Variants in MUC4 observed in about 807,000 individuals in gnomAD.
MUC4 encodes the protein mucin-4.
A neutral mutation model predicts 257.9 loss-of-function variants in MUC4; 202 were observed. The ratio of observed to expected loss-of-function variants is 0.78; its 90% CI spans 0.70 to 0.88. The LOEUF (loss-of-function observed/expected upper bound fraction) is 0.88, where lower values mean the gene tolerates loss of function less well. MUC4 is among the 40% of genes least tolerant of loss of function. The pLI is 0.00. For synonymous variants in MUC4, 2,351 were observed against 2,757.1 expected, an observed-to-expected ratio of 0.85 and a Z score of 4.62; for missense variants, 5,976 against 6,513.7, an observed-to-expected ratio of 0.92 and a Z score of 2.84.
Position 195,810,803 on chromosome 3 carries a change from G to A in MUC4, c.82+933C>T, listed in dbSNP as rs929044289. On this transcript the variant is annotated intron_variant, in intron 1 of 24. Coordinates refer to ENST00000463781, the MANE Select transcript of MUC4 (RefSeq NM_018406.7). The surrounding 1 kb of genome is among the most constrained non-coding windows in gnomAD (Gnocchi z 4.2). The stretch of plus-strand genomic sequence containing the variant: ...AGTTTGTCTGCGTCTCACCTGTCTC[G>A]TCCTCTCACCCTGCAGCTTTACATG... Among the ~76,000 whole-genome samples the A allele has an allele frequency of 3.3e-5, 5 of 151,748 alleles. No individual in the cohort carries two copies. The highest frequency in any genetic ancestry group is 6.6e-5 in the Admixed American group (1 of 15,236).
intron 1 of MUC4, among the ~76,000 whole-genome samples, chr3:195,796,817 G>A (rs1003338702): frequency 6.6e-5 from 10 of 152,136 alleles, no homozygotes; most frequent in Non-Finnish European, 1.3e-4. Flanking sequence ...TCAGAGTTTG[G>A]AACAGGAGGA....
At chr3:195,769,206 CT>C in intron 6 of MUC4, 54 bp from the exon 7 acceptor site, 1 of 1,602,154 alleles carries the variant, frequency 6.2e-7, no homozygotes, top group Non-Finnish European at 8.5e-7. Flanking sequence ...CCGGGGTCTC[CT>C]CTCTTATGTC....
intron 4 of MUC4, among the ~76,000 whole-genome samples, chr3:195,773,498 TCAGCAGGTGTGGACACCCTCTCTCCATC>T (rs1560279320): frequency 2.8e-5 from 4 of 143,842 alleles, no homozygotes; most frequent in Non-Finnish European, 4.5e-5. Context: ...TCTCTATCAC[TCAGCAGGTGTGGACACCCTCTCTCCATC>T]GCTCAGCAGG....
Position 195,761,061 on chromosome 3 carries a change from A to G in MUC4, c.14671T>C (p.Phe4891Leu), listed in dbSNP as rs377048587. ...AGTTGTGAGTAGAAAACAGGGGTGAAGTTGGAAGGCAGCTGGTCATTCCTC... is the reference window on the plus strand; with the variant it reads ...AGTTGTGAGTAGAAAACAGGGGTGAGGTTGGAAGGCAGCTGGTCATTCCTC... ...GKRNDQLPSN[F>L]TPVFYSQLQK... Residue 4891 changes from phenylalanine (F) to leucine (L), a missense_variant, in exon 16 of 25, where the codon TTC becomes CTC. Coordinates refer to ENST00000463781, the MANE Select transcript of MUC4 (RefSeq NM_018406.7). 4.3e-6 allele frequency: 7 copies of G among 1,614,056 alleles called. No individual in the cohort carries two copies. The African/African-American group carries it at 5.3e-5, about 12-fold the overall frequency.
chr3:195,761,563 C>A lies in MUC4; in HGVS notation c.14535G>T (p.Glu4845Asp), dbSNP rs757129745. The A allele has an allele frequency of 5.0e-6, 8 of 1,614,124 alleles. No individual in the cohort carries two copies. Among genetic ancestry groups the A allele is most frequent in the Non-Finnish European group, 5.9e-6 (7 of 1,179,952 alleles). ...AGCCATTGGGCATCCTGAAGTCGTC[C>A]TCTGGATTGTTATTCCAGACCCCTG... is the stretch of plus-strand genomic sequence containing the variant. The part of the protein sequence containing the change: ...GLLGVWNNNP[E>D]DDFRMPNGST... Residue 4845 changes from glutamate to aspartate, a missense_variant, in exon 15 of 25, where the codon GAG becomes GAT. Physicochemically the swap from Glu to Asp is conservative, Grantham distance 45 (BLOSUM62 2). Coordinates refer to ENST00000463781, the MANE Select transcript of MUC4 (RefSeq NM_018406.7).
chr3:195,764,590 G>A (rs577614991), intron 10 of MUC4, among the ~76,000 whole-genome samples: 9 of 152,116 alleles, frequency 5.9e-5, no homozygotes, highest in African/African-American at 1.4e-4. Flanking sequence ...GCCATGGGAC[G>A]GGGGAGAGAA....
Position 195,753,033 on chromosome 3 carries a change from C to CG in MUC4, c.15508+17dup, listed in dbSNP as rs1716797800. The CG allele has an allele frequency of 6.3e-7, 1 of 1,595,774 alleles. No homozygotes were observed. Among genetic ancestry groups the CG allele is most frequent in the South Asian group, 1.1e-5 (1 of 89,888 alleles). On this transcript the variant is annotated intron_variant, in intron 20 of 24. Transcript: ENST00000463781. ...CAGGAAGAGTGCGGGGGTGAGAGGGCGGGGTCTCTGGCGGTACCTAGGTTG... is the reference window on the plus strand; with the variant it reads ...CAGGAAGAGTGCGGGGGTGAGAGGGCGGGGGTCTCTGGCGGTACCTAGGTTG...
chr3:195,764,248 AGGGC>A, intron 10 of MUC4, 84 bp from the exon 11 acceptor site: 2 of 1,102,394 alleles, frequency 1.8e-6, no homozygotes, highest in Non-Finnish European at 2.3e-6. Context: ...AGAGCTTGGC[AGGGC>A]AGGGCGGTGT....
At position 195,788,115 on chromosome 3, in the gene MUC4, G is replaced by C; in HGVS notation, c.3465C>G (p.Val1155=). 2 of 1,491,978 alleles carry C rather than the reference G, an allele frequency of 1.3e-6. No homozygotes were observed. Among genetic ancestry groups the C allele is most frequent in the Non-Finnish European group, 1.8e-6 (2 of 1,115,266 alleles). 92.4% of individuals were successfully genotyped at this position (1,491,978 alleles called of 1,614,324 possible). A position where few individuals can be genotyped will look rare whatever the true frequency, so the allele number is the denominator to read the frequency against. ...CTGTGGATGCTGAGGAAGCATCAGT[G>C]ACATGAAGAGGGGTGGTGTGACCTG... is the stretch of plus-strand genomic sequence containing the variant. The part of the protein sequence containing the change: ...VSTGHTTPLH[V]TDASSASTGQ... Residue 1155 remains valine (V), a synonymous_variant, in exon 2 of 25, where the codon GTC becomes GTG. Transcript: ENST00000463781.
At chr3:195,792,954 G>C (rs1734051105) in intron 1 of MUC4, among the ~76,000 whole-genome samples, 1 of 152,128 alleles carries the variant, frequency 6.6e-6, no homozygotes, top group Non-Finnish European at 1.5e-5. Context: ...GACACAGAGA[G>C]GGGAACAACA....
intron 7 of MUC4, among the ~76,000 whole-genome samples, chr3:195,767,959 C>T (rs1342310642): frequency 6.6e-6 from 1 of 151,894 alleles, no homozygotes; most frequent in African/African-American, 2.4e-5. Flanking sequence ...CCACCACCAC[C>T]ACCACCACTA....
chr3:195,747,220 C>A lies in MUC4; in HGVS notation c.16195G>T (p.Ala5399Ser). The A allele has an allele frequency of 1.2e-6, 2 of 1,614,268 alleles. No individual in the cohort carries two copies. The highest frequency in any genetic ancestry group is 2.2e-5 in the South Asian group (2 of 91,088). Residue 5399 changes from alanine (A) to serine (S), a missense_variant, in exon 25 of 25, where the codon GCC (alanine) becomes TCC (serine). Physicochemically the swap from Ala to Ser is moderately conservative, Grantham distance 99. This residue lies in a region of MUC4 where 310 missense variants were observed against 242.1 expected (regional missense o/e 1.28). Coordinates refer to ENST00000463781, the MANE Select transcript of MUC4 (RefSeq NM_018406.7). ...VVLRFWGCSG[A>S]RFSYFLNSAE... ...GAGTTCAGGAAATAGGAGAACCTGG[C>A]CCCGGAGCAACCCCAGAAGCGCAGG...
At chr3:195,749,402 C>T (rs1328727093) in intron 23 of MUC4, among the ~76,000 whole-genome samples, 1 of 152,180 alleles carries the variant, frequency 6.6e-6, no homozygotes. Context: ...TGAAGGTGGC[C>T]AGACTTGGGT....
At chr3:195,800,277 CAAA>C (rs796281453) in intron 1 of MUC4, among the ~76,000 whole-genome samples, 1 of 141,094 alleles carries the variant, frequency 7.1e-6, no homozygotes, top group African/African-American at 2.6e-5. Flanking sequence ...GACTCCATCT[CAAA>C]AAAAAAAAAA....
In MUC4 at chr3:195,762,916, T is replaced by C. The variant is rs1347038714; in HGVS notation, c.14283A>G (p.Ala4761=). The stretch of plus-strand genomic sequence containing the variant: ...TCTGGTTATCCAGCAGGACACGGAT[T>C]GCGTCGTGAGGCTCAAGGAGCCATT... ...TVQWLLEPHD[A]IRVLLDNQTV... is the part of the protein sequence containing the mutation. The change falls in exon 13 of 25, where the codon GCA becomes GCG. Residue 4761 remains alanine, a synonymous_variant. Transcript: ENST00000463781. 1 of 1,570,258 alleles carries C rather than the reference T, an allele frequency of 6.4e-7. No individual in the cohort carries two copies. The highest frequency in any genetic ancestry group is 8.6e-7 in the Non-Finnish European group (1 of 1,159,360).
chr3:195,767,790 T>C (rs1375939074), intron 7 of MUC4, among the ~76,000 whole-genome samples: 7 of 32,904 alleles, frequency 2.1e-4, no homozygotes, highest in South Asian at 2.1e-3. Context: ...ACCACCATCA[T>C]TGCCACCACC....
Position 195,762,160 on chromosome 3 carries a change from G to T in MUC4, c.14439C>A (p.Ile4813=), listed in dbSNP as rs759368607. ...AGGCGTGGAGGATGTTGGAGAGCGC[G>T]ATCACCGAGACGGTGGCCCAGCCGT... is the stretch of plus-strand genomic sequence containing the variant. ...SFDGWATVSV[I]ALSNILHASA... The change falls in exon 14 of 25, where the codon ATC becomes ATA. Residue 4813 remains isoleucine, a synonymous_variant. Transcript: ENST00000463781. The T allele has an allele frequency of 5.0e-6, 8 of 1,607,580 alleles. No homozygotes were observed. Among genetic ancestry groups the T allele is most frequent in the Middle Eastern group, 1.6e-4 (1 of 6,066 alleles).
At chr3:195,771,966 T>C in intron 4 of MUC4, 150 bp from the exon 5 acceptor site, 1 of 819,398 alleles carries the variant, frequency 1.2e-6, no homozygotes, top group Non-Finnish European at 1.9e-6. Flanking sequence ...TGTCCTGTTT[T>C]GGGGAGAGCC....
chr3:195,802,363 C>A (rs1735436501), intron 1 of MUC4, among the ~76,000 whole-genome samples: 1 of 152,248 alleles, frequency 6.6e-6, no homozygotes, highest in Non-Finnish European at 1.5e-5. Context: ...CTCCTCACTG[C>A]CCCTGCTGAC....
Sources: allele counts gnomAD v4.1 joint callset (sites outside exome capture counted in the v4.1 genomes callset), GRCh38; gene constraint gnomAD v4.1.1; regional missense constraint gnomAD v4.1.1; non-coding constraint Gnocchi (gnomAD v3.1); transcripts MANE v1.5; gene names NCBI Gene and HGNC (gene_info 2026-07-23, HGNC 2026-07-21).